The following ABCA13 variants were observed in gnomAD, a reference collection of about 807,000 sequenced individuals.
The protein encoded by ABCA13 is ATP-binding cassette sub-family A member 13.
In ABCA13, 476 loss-of-function variants were observed where a neutral mutation model predicts 478.7. The ratio of observed to expected loss-of-function variants is 0.99; its 90% CI spans 0.92 to 1.07. The LOEUF (loss-of-function observed/expected upper bound fraction) is 1.07, where lower values mean the gene tolerates loss of function less well. Among genes scored for constraint, ABCA13 ranks in the 50% least tolerant of loss-of-function variants. The probability of loss-of-function intolerance (pLI) is 0.00; values close to 1 mark genes in which losing one functional copy is unlikely to be tolerated. For missense variants in ABCA13, 6,060 were observed against 5,910.6 expected (o/e 1.03, Z -0.83); for synonymous variants, 2,252 against 2,158.9 (o/e 1.04, Z -1.20).
intron 35 of ABCA13, among the ~76,000 whole-genome samples, chr7:48,380,813 C>T (rs531329285): frequency 6.6e-6 from 1 of 152,200 alleles, no homozygotes; most frequent in Non-Finnish European, 1.5e-5. Context: ...TAGTAAAGGA[C>T]TCACCTGTGG....
intron 41 of ABCA13, among the ~76,000 whole-genome samples, chr7:48,414,536 T>C (rs1317844432): frequency 6.7e-6 from 1 of 149,922 alleles, no homozygotes; most frequent in Non-Finnish European, 1.5e-5. Flanking sequence ...TTTAATAAAA[T>C]AATACATATA....
At chr7:48,355,921 A>G (rs1347956953) in intron 31 of ABCA13, among the ~76,000 whole-genome samples, 2 of 151,950 alleles carry the variant, frequency 1.3e-5, no homozygotes, top group East Asian at 1.9e-4. Context: ...GTATGGATCT[A>G]TTAATTTAGG....
intron 1 of ABCA13, among the ~76,000 whole-genome samples, chr7:48,186,916 C>A (rs1796418535): frequency 6.6e-6 from 1 of 151,582 alleles, no homozygotes; most frequent in Admixed American, 6.6e-5. Context: ...CATTGCCAAG[C>A]CTTTTCACCC....
chr7:48,640,676 A>G (rs918278206), intron 59 of ABCA13, among the ~76,000 whole-genome samples: 1 of 152,232 alleles, frequency 6.6e-6, no homozygotes, highest in African/African-American at 2.4e-5. Flanking sequence ...AAGTATGAAA[A>G]TCAAATAAAT....
intron 59 of ABCA13, among the ~76,000 whole-genome samples, chr7:48,622,213 C>T (rs559868850): frequency 1.3e-5 from 2 of 152,276 alleles, no homozygotes; most frequent in East Asian, 3.9e-4. Flanking sequence ...CTTCAGCTGT[C>T]CTTCCTGTGG....
rs536575152 is a variant in ABCA13 at position 48,266,267 on chromosome 7, G to A, written c.2006-2713G>A. Among the ~76,000 whole-genome samples, 50 of 151,674 alleles carry A rather than the reference G, an allele frequency of 3.3e-4. 1 individual carries two copies. The highest frequency in any genetic ancestry group is 1.8e-4 in the Non-Finnish European group (12 of 67,612). On this transcript the variant is annotated intron_variant, in intron 15 of 61. Coordinates refer to ENST00000435803, the MANE Select transcript of ABCA13 (RefSeq NM_152701.5). ...ATTTGTCTTTGTCTTATATTTATAG[G>A]TAATCATAACCTCATAGAATTATTC...
At chr7:48,459,248 C>T (rs7799752) in intron 43 of ABCA13, among the ~76,000 whole-genome samples, 5,301 of 152,228 alleles carry the variant, frequency 0.035, 300 homozygotes, top group African/African-American at 0.12. Flanking sequence ...TAAGACCTGA[C>T]GGACCTGCTC....
chr7:48,565,280 A>C (rs1277242464), intron 55 of ABCA13, among the ~76,000 whole-genome samples: 4 of 149,810 alleles, frequency 2.7e-5, no homozygotes, highest in Non-Finnish European at 5.9e-5. Flanking sequence ...AAAAAAAAAA[A>C]ATCTCAGGAG....
chr7:48,304,803 T>A (rs1227635070), intron 23 of ABCA13, among the ~76,000 whole-genome samples: 1 of 152,222 alleles, frequency 6.6e-6, no homozygotes, highest in East Asian at 1.9e-4. Flanking sequence ...TGCAGCCAAA[T>A]GATGCCTGCC....
intron 16 of ABCA13, among the ~76,000 whole-genome samples, chr7:48,270,912 A>G (rs975338619): frequency 2.0e-5 from 3 of 152,206 alleles, no homozygotes; most frequent in African/African-American, 7.2e-5. Context: ...GGTTGACATC[A>G]CAACTCATTC....
At chr7:48,487,458 T>C (rs1483020833) in intron 47 of ABCA13, among the ~76,000 whole-genome samples, 2 of 152,074 alleles carry the variant, frequency 1.3e-5, no homozygotes, top group Non-Finnish European at 2.9e-5. Flanking sequence ...TTTTTGTTTC[T>C]GTACTGTAGT....
chr7:48,222,504 AT>A (rs770723988), intron 5 of ABCA13, among the ~76,000 whole-genome samples: 23 of 152,218 alleles, frequency 1.5e-4, no homozygotes, highest in Non-Finnish European at 4.4e-5. Context: ...TAAAATGTTC[AT>A]TGATAATGAT....
chr7:48,364,441 T>G (rs907295792), intron 31 of ABCA13, among the ~76,000 whole-genome samples: 1 of 152,188 alleles, frequency 6.6e-6, no homozygotes, highest in African/African-American at 2.4e-5. Context: ...GCCTGTCTTC[T>G]AGCTATTTTG....
At chr7:48,267,594 T>G (rs898265465) in intron 15 of ABCA13, among the ~76,000 whole-genome samples, 2 of 152,176 alleles carry the variant, frequency 1.3e-5, no homozygotes, top group African/African-American at 4.8e-5. Context: ...TTTTTGAGCA[T>G]GTAAATTATA....
At chr7:48,239,707 C>T (rs758219380) in intron 9 of ABCA13, among the ~76,000 whole-genome samples, 1 of 152,184 alleles carries the variant, frequency 6.6e-6, no homozygotes, top group Admixed American at 6.5e-5. Flanking sequence ...ATGAGATTGC[C>T]CTGGAGTACT....
intron 48 of ABCA13, among the ~76,000 whole-genome samples, chr7:48,496,318 T>C (rs924754188): frequency 6.6e-6 from 1 of 152,116 alleles, no homozygotes; most frequent in African/African-American, 2.4e-5. Flanking sequence ...TCTACTGATA[T>C]TGTTATTTAC....
At chr7:48,394,967 A>G (rs76283225) in intron 38 of ABCA13, among the ~76,000 whole-genome samples, 4,820 of 152,134 alleles carry the variant, frequency 0.032, 136 homozygotes, top group East Asian at 0.16. Flanking sequence ...TAGCAGAGGT[A>G]ATGATTGAGC....
chr7:48,434,086 G>A (rs1585304231), intron 42 of ABCA13, among the ~76,000 whole-genome samples: 1 of 151,870 alleles, frequency 6.6e-6, no homozygotes, highest in East Asian at 1.9e-4. Flanking sequence ...TTGAGAAATT[G>A]CTGTATCATT....
intron 46 of ABCA13, among the ~76,000 whole-genome samples, chr7:48,482,046 T>C (rs1056338337): frequency 6.6e-6 from 1 of 152,240 alleles, no homozygotes; most frequent in South Asian, 2.1e-4. Context: ...TAACATTATA[T>C]TTTTTTAAAT....
Sources: allele counts gnomAD v4.1 joint callset (sites outside exome capture counted in the v4.1 genomes callset), GRCh38; gene constraint gnomAD v4.1.1; transcripts MANE v1.5; gene names NCBI Gene and HGNC (gene_info 2026-07-23, HGNC 2026-07-21).